The following CMTM8 variants were observed in gnomAD, a reference collection of about 807,000 sequenced individuals.
CMTM8 encodes CKLF like MARVEL transmembrane domain containing 8, also known as CKLF-like MARVEL transmembrane domain-containing protein 8.
Under a neutral mutation model 18.6 loss-of-function variants are expected in CMTM8, and 12 were observed. That is an observed-to-expected ratio of 0.65 (90% CI 0.41 to 1.05). CMTM8 has a LOEUF of 1.05. CMTM8 is among the 50% of genes least tolerant of loss of function. The pLI, the probability that CMTM8 is intolerant of heterozygous loss-of-function variation, is 0.00. For missense variants in CMTM8, 217 were observed against 227.2 expected (o/e 0.95, Z 0.29); for synonymous variants, 87 against 90.6 (o/e 0.96, Z 0.23).
chr3:32,239,802 G>A (rs887181531), intron 1 of CMTM8, among the ~76,000 whole-genome samples: 9 of 152,182 alleles, frequency 5.9e-5, no homozygotes, highest in African/African-American at 1.9e-4. Context: ...AAGGACTGGA[G>A]TCCTGTCAGC....
intron 1 of CMTM8, among the ~76,000 whole-genome samples, chr3:32,288,330 G>T (rs1702719308): frequency 6.6e-6 from 1 of 151,988 alleles, no homozygotes; most frequent in African/African-American, 2.4e-5. Flanking sequence ...GTCACTCAGG[G>T]TAGAGTTCAG....
chr3:32,275,599 C>T (rs997805183), intron 1 of CMTM8, among the ~76,000 whole-genome samples: 9 of 150,480 alleles, frequency 6.0e-5, no homozygotes, highest in South Asian at 2.1e-4. Flanking sequence ...TTGGTGAAAT[C>T]GCTCAGAATC....
chr3:32,257,451 T>G (rs1251426584), intron 1 of CMTM8, among the ~76,000 whole-genome samples: 9 of 152,192 alleles, frequency 5.9e-5, no homozygotes, highest in African/African-American at 2.2e-4. Context: ...GTCTTCAATA[T>G]CTCCTAATTT....
chr3:32,347,307 T>TTTTTTTTTTTTTTTTTTTTG (rs1696618109), intron 1 of CMTM8, among the ~76,000 whole-genome samples: 1 of 151,224 alleles, frequency 6.6e-6, no homozygotes, highest in African/African-American at 2.4e-5. Flanking sequence ...GTTTTTTTTT[T>TTTTTTTTTTTTTTTTTTTTG]TTGGCGTTAG....
At chr3:32,315,533 G>A (rs185240986) in intron 1 of CMTM8, among the ~76,000 whole-genome samples, 48 of 152,352 alleles carry the variant, frequency 3.2e-4, no homozygotes, top group African/African-American at 1.1e-3. Flanking sequence ...CTGGCCAGGT[G>A]CTCAGCGAAG....
chr3:32,365,201 A>G (rs1396234541), intron 2 of CMTM8, among the ~76,000 whole-genome samples: 3 of 152,030 alleles, frequency 2.0e-5, no homozygotes, highest in Admixed American at 2.0e-4. Context: ...TACTAACTGT[A>G]TATTATCTCA....
intron 1 of CMTM8, among the ~76,000 whole-genome samples, chr3:32,252,719 G>A (rs1302932451): frequency 1.3e-5 from 2 of 152,210 alleles, no homozygotes; most frequent in Non-Finnish European, 1.5e-5. Context: ...TAGCTATCTC[G>A]AGTTATTCTC....
At chr3:32,301,030 G>A (rs182873149) in intron 1 of CMTM8, among the ~76,000 whole-genome samples, 4 of 151,976 alleles carry the variant, frequency 2.6e-5, no homozygotes, top group African/African-American at 9.7e-5. Flanking sequence ...TCACTTGCAG[G>A]TCTTATAAAA....
intron 1 of CMTM8, among the ~76,000 whole-genome samples, chr3:32,252,143 G>GT (rs1226592665): frequency 6.6e-6 from 1 of 152,176 alleles, no homozygotes; most frequent in Admixed American, 6.5e-5. Context: ...GTCTTTTTGT[G>GT]TGTATAATGT....
intron 1 of CMTM8, among the ~76,000 whole-genome samples, chr3:32,240,814 G>T (rs1246690073): frequency 6.6e-6 from 1 of 152,064 alleles, no homozygotes; most frequent in East Asian, 1.9e-4. Context: ...TTGAGACAGG[G>T]TTTTGCTCTG....
intron 1 of CMTM8, among the ~76,000 whole-genome samples, chr3:32,271,466 C>G (rs1031660115): frequency 6.6e-6 from 1 of 152,196 alleles, no homozygotes; most frequent in African/African-American, 2.4e-5. Flanking sequence ...TATTGTTTAC[C>G]TTGTCTCATT....
chr3:32,303,461 T>G lies in CMTM8; in HGVS notation c.148-53912T>G, dbSNP rs902158534. Among the ~76,000 whole-genome samples, 3 of 152,228 alleles carry G rather than the reference T, an allele frequency of 2.0e-5. No individual in the cohort carries two copies. The South Asian group carries it at 6.2e-4, about 32-fold the overall frequency. Reference sequence around the variant, plus strand: ...TGGTTTAGATTCAGGTGTTTCGTTTTTGTTTTTATCTTATGCCTCCAAACA... The same window carrying G: ...TGGTTTAGATTCAGGTGTTTCGTTTGTGTTTTTATCTTATGCCTCCAAACA... On this transcript the variant is annotated intron_variant, in intron 1 of 3. Coordinates refer to ENST00000307526, the MANE Select transcript of CMTM8 (RefSeq NM_178868.5).
At chr3:32,329,399 C>G (rs956438669) in intron 1 of CMTM8, among the ~76,000 whole-genome samples, 5 of 152,120 alleles carry the variant, frequency 3.3e-5, no homozygotes, top group African/African-American at 7.2e-5. Context: ...TACTAGTAAA[C>G]CAAATTCAAC....
intron 1 of CMTM8, among the ~76,000 whole-genome samples, chr3:32,350,815 G>A (rs1354700694): frequency 1.3e-5 from 2 of 151,570 alleles, no homozygotes; most frequent in Non-Finnish European, 2.9e-5. Flanking sequence ...GAGCCACCAC[G>A]TCAAGCCTAA....
chr3:32,360,182 C>T (rs1391542949), intron 2 of CMTM8, among the ~76,000 whole-genome samples: 1 of 152,242 alleles, frequency 6.6e-6, no homozygotes, highest in East Asian at 1.9e-4. Flanking sequence ...CACCCAGACA[C>T]ACTTTCTTAG....
intron 1 of CMTM8, among the ~76,000 whole-genome samples, chr3:32,289,659 A>T (rs372344084): frequency 6.6e-6 from 1 of 152,230 alleles, no homozygotes; most frequent in Non-Finnish European, 1.5e-5. Flanking sequence ...AAATAGATGC[A>T]TAGAAAATGT....
chr3:32,274,333 C>T (rs1415484254), intron 1 of CMTM8, among the ~76,000 whole-genome samples: 1 of 151,952 alleles, frequency 6.6e-6, no homozygotes, highest in Non-Finnish European at 1.5e-5. Context: ...TTTACCCATA[C>T]TTGTTTCATT....
chr3:32,333,631 CA>C (rs10576288), intron 1 of CMTM8, among the ~76,000 whole-genome samples: 60,801 of 114,722 alleles, frequency 0.53, 14,012 homozygotes, highest in Middle Eastern at 0.7. Context: ...ACTTTTCCAC[CA>C]AAAAAAAAAA....
chr3:32,369,384 G>T (rs1575099745), intron 3 of CMTM8, among the ~76,000 whole-genome samples: 1 of 152,150 alleles, frequency 6.6e-6, no homozygotes, highest in African/African-American at 2.4e-5. Context: ...CGTCAAGACT[G>T]GGCTCAAGTT....
Sources: gnomAD v4.1 joint callset for allele counts (sites outside exome capture counted in the v4.1 genomes callset) on GRCh38, gnomAD v4.1.1 for gene constraint, MANE v1.5 for transcripts, NCBI Gene and HGNC (gene_info 2026-07-23, HGNC 2026-07-21) for gene names.